The following CORIN variants were observed in gnomAD, a reference collection of about 807,000 sequenced individuals.
The protein encoded by CORIN is atrial natriuretic peptide-converting enzyme.
CORIN carries 117 observed loss-of-function variants against 125.3 expected under a neutral mutation model. That is an observed-to-expected ratio of 0.93 (90% CI 0.80 to 1.09). The LOEUF is 1.09. CORIN is among the 50% of genes least tolerant of loss of function. CORIN has a pLI of 0.00. For synonymous variants in CORIN, 450 were observed against 466.4 expected, an observed-to-expected ratio of 0.96 and a Z score of 0.45; for missense variants, 1,253 against 1,306.7, an observed-to-expected ratio of 0.96 and a Z score of 0.63.
At chr4:47,781,756 G>A (rs1730556462) in intron 3 of CORIN, among the ~76,000 whole-genome samples, 1 of 152,050 alleles carries the variant, frequency 6.6e-6, no homozygotes, top group South Asian at 2.1e-4. Flanking sequence ...TAGCCAACAT[G>A]GTGAAACCGT....
chr4:47,813,093 A>C (rs1334328469), intron 1 of CORIN, among the ~76,000 whole-genome samples: 1 of 152,218 alleles, frequency 6.6e-6, no homozygotes, highest in South Asian at 2.1e-4. Flanking sequence ...TCATAGCACA[A>C]CTTTTGCATA....
rs575211471 is a variant in CORIN at position 47,826,717 on chromosome 4, C to T, written c.63+11170G>A. 3.9e-5 allele frequency among the ~76,000 whole-genome samples: 6 copies of T among 152,240 alleles called. No individual in the cohort carries two copies. In the South Asian group the frequency reaches 1.2e-3, roughly 32 times the overall value. On this transcript the variant is annotated intron_variant, in intron 1 of 21. Coordinates refer to ENST00000273857, the MANE Select transcript of CORIN (RefSeq NM_006587.4). ...TTATTTAATTACATTTGCAAAGTCC[C>T]TTTTGACATAGAAAATAATATTCAC...
chr4:47,799,339 C>A (rs999730647), intron 2 of CORIN, among the ~76,000 whole-genome samples: 1 of 152,054 alleles, frequency 6.6e-6, no homozygotes, highest in Admixed American at 6.5e-5. Flanking sequence ...ATTTGAAGTT[C>A]TTTGAGAAAT....
At chr4:47,735,458 C>T (rs61762919) in intron 5 of CORIN, among the ~76,000 whole-genome samples, 166 of 152,210 alleles carry the variant, frequency 1.1e-3, no homozygotes, top group Non-Finnish European at 1.5e-3. Flanking sequence ...GAGTGTACTT[C>T]GGAAATTTCT....
intron 16 of CORIN, among the ~76,000 whole-genome samples, chr4:47,634,455 G>A (rs1445249304): frequency 6.6e-6 from 1 of 152,118 alleles, no homozygotes; most frequent in Non-Finnish European, 1.5e-5. Context: ...TCTACATGGT[G>A]AAACCCCATC....
At chr4:47,625,152 C>T (rs570066234) in intron 17 of CORIN, among the ~76,000 whole-genome samples, 2 of 152,228 alleles carry the variant, frequency 1.3e-5, no homozygotes, top group South Asian at 4.1e-4. Context: ...TTTTCACCCC[C>T]ATATAGTGTA....
intron 19 of CORIN, among the ~76,000 whole-genome samples, chr4:47,616,673 A>T (rs1722080093): frequency 1.3e-5 from 2 of 152,166 alleles, no homozygotes; most frequent in Non-Finnish European, 2.9e-5. Context: ...CTTGACAAGA[A>T]CGCAACCAGA....
intron 1 of CORIN, among the ~76,000 whole-genome samples, chr4:47,828,070 A>G (rs1732816945): frequency 6.6e-6 from 1 of 152,206 alleles, no homozygotes; most frequent in Non-Finnish European, 1.5e-5. Context: ...AAGAATTAGC[A>G]AATGCCCACT....
intron 12 of CORIN, among the ~76,000 whole-genome samples, chr4:47,655,347 C>A (rs184893103): frequency 2.5e-4 from 38 of 152,214 alleles, no homozygotes; most frequent in African/African-American, 8.7e-4. Flanking sequence ...TTGGCCACAG[C>A]GGGGTAGAAC....
intron 19 of CORIN, among the ~76,000 whole-genome samples, chr4:47,612,820 T>A (rs536427213): frequency 1.3e-5 from 2 of 152,214 alleles, no homozygotes. Flanking sequence ...AGGTGACAGA[T>A]AGCAGGAAGA....
intron 5 of CORIN, chr4:47,706,472 C>T (rs1041012802): frequency 1.2e-6 from 2 of 1,611,456 alleles, no homozygotes; most frequent in African/African-American, 2.7e-5. Flanking sequence ...CGCCAGCTCT[C>T]TGCTCTTCAC....
intron 12 of CORIN, among the ~76,000 whole-genome samples, chr4:47,656,001 C>A (rs1156332283): frequency 1.3e-5 from 2 of 151,976 alleles, no homozygotes; most frequent in African/African-American, 4.8e-5. Context: ...GCCAGTATTA[C>A]CCTGAAACCA....
intron 1 of CORIN, among the ~76,000 whole-genome samples, chr4:47,809,411 T>C (rs1279727662): frequency 2.1e-5 from 2 of 94,878 alleles, no homozygotes; most frequent in African/African-American, 5.9e-5. Flanking sequence ...TTTTTTTTTT[T>C]TTTTTTTTTT....
chr4:47,683,757 C>G lies in CORIN; in HGVS notation c.995G>C (p.Gly332Ala). Residue 332 changes from glycine to alanine, a missense_variant, in exon 7 of 22, where the codon GGG (glycine) becomes GCG (alanine). Transcript: ENST00000273857. Reference protein sequence around the residue: ...SLVCDGYDDCGDLSDEQNCDC... With the variant: ...SLVCDGYDDCADLSDEQNCDC... ...ACAGTTTTGCTCATCACTCAAATCCCCACAGTCATCATATCCATCACACAC... is the reference window on the plus strand; with the variant it reads ...ACAGTTTTGCTCATCACTCAAATCCGCACAGTCATCATATCCATCACACAC... 1 of 1,613,544 alleles carries G rather than the reference C, an allele frequency of 6.2e-7. No homozygotes were observed. Among genetic ancestry groups the G allele is most frequent in the Non-Finnish European group, 8.5e-7 (1 of 1,179,672 alleles).
chr4:47,763,887 C>T (rs1729586957), intron 3 of CORIN, among the ~76,000 whole-genome samples: 1 of 151,450 alleles, frequency 6.6e-6, no homozygotes. Flanking sequence ...CACAGCTGGG[C>T]AGGGCAATAT....
At chr4:47,694,552 T>C (rs1725901719) in intron 5 of CORIN, among the ~76,000 whole-genome samples, 1 of 152,072 alleles carries the variant, frequency 6.6e-6, no homozygotes, top group African/African-American at 2.4e-5. Flanking sequence ...TATGTATTCC[T>C]TGATAAGATG....
chr4:47,777,370 C>T (rs555551135), intron 3 of CORIN, among the ~76,000 whole-genome samples: 90 of 152,302 alleles, frequency 5.9e-4, no homozygotes, highest in Admixed American at 1.0e-3. Context: ...CGGTGGCTCA[C>T]GTCTGTAATC....
chr4:47,755,871 A>G (rs887877254), intron 4 of CORIN, among the ~76,000 whole-genome samples: 1 of 152,248 alleles, frequency 6.6e-6, no homozygotes, highest in African/African-American at 2.4e-5. Flanking sequence ...TATAGTCAAC[A>G]TATTTTGAAC....
chr4:47,673,328 A>G (rs113217306), intron 10 of CORIN, among the ~76,000 whole-genome samples: 3 of 151,728 alleles, frequency 2.0e-5, no homozygotes, highest in African/African-American at 7.2e-5. Context: ...GTGAGCCGAT[A>G]TCGTGCCACT....
Sources: gnomAD v4.1 joint callset for allele counts (sites outside exome capture counted in the v4.1 genomes callset) on GRCh38, gnomAD v4.1.1 for gene constraint, MANE v1.5 for transcripts, NCBI Gene and HGNC (gene_info 2026-07-23, HGNC 2026-07-21) for gene names.